SNX24: variants seen among roughly 807,000 people sequenced by gnomAD.
SNX24 encodes sorting nexin-24.
A neutral mutation model predicts 28.7 loss-of-function variants in SNX24; 22 were observed. The ratio of observed to expected loss-of-function variants is 0.77; its 90% confidence interval spans 0.55 to 1.10. The LOEUF (loss-of-function observed/expected upper bound fraction) is 1.10, where lower values mean the gene tolerates loss of function less well. SNX24 is among the 50% of genes least tolerant of loss of function. SNX24 has a pLI of 0.00. For missense variants in SNX24, 221 were observed against 201.1 expected (o/e 1.10, Z -0.60); for synonymous variants, 69 against 71.5 (o/e 0.96, Z 0.18).
chr5:122,872,381 TG>T lies in SNX24; in HGVS notation c.60+26691del, dbSNP rs1227994905. The stretch of plus-strand genomic sequence containing the variant: ...GCTGTAGGCTCCTAGTGGTATTCTC[TG>T]GGAAAACCTTGTATTGTTTTCCTAC... On this transcript the variant is annotated intron_variant, in intron 1 of 6. Coordinates refer to ENST00000261369, the MANE Select transcript of SNX24 (RefSeq NM_014035.4). 2.0e-5 allele frequency among the ~76,000 whole-genome samples: 3 copies of T among 152,076 alleles called. No homozygotes were observed. In the East Asian group the frequency reaches 5.8e-4, roughly 29 times the overall value.
At chr5:122,954,556 G>GT (rs1298859840) in intron 3 of SNX24, among the ~76,000 whole-genome samples, 1 of 147,984 alleles carries the variant, frequency 6.8e-6, no homozygotes, top group Non-Finnish European at 1.5e-5. Flanking sequence ...GTTTATATTT[G>GT]TTTTTTTAAT....
At chr5:122,947,865 T>C (rs1759759299) in intron 3 of SNX24, among the ~76,000 whole-genome samples, 2 of 152,244 alleles carry the variant, frequency 1.3e-5, no homozygotes, top group Admixed American at 1.3e-4. Flanking sequence ...CCCCTCATTG[T>C]ATTTGACACA....
At chr5:122,913,311 C>T (rs1304596765) in intron 1 of SNX24, among the ~76,000 whole-genome samples, 9 of 151,688 alleles carry the variant, frequency 5.9e-5, no homozygotes, top group Non-Finnish European at 2.9e-5. Context: ...CGCCCCCCAC[C>T]TCCCTCCCAG....
intron 1 of SNX24, among the ~76,000 whole-genome samples, chr5:122,916,570 G>A (rs529767553): frequency 6.4e-4 from 97 of 152,228 alleles, no homozygotes; most frequent in Non-Finnish European, 1.3e-3. Context: ...AATACTTTAA[G>A]CTTGAACAGT....
intron 1 of SNX24, among the ~76,000 whole-genome samples, chr5:122,907,523 G>A (rs1757692193): frequency 6.6e-6 from 1 of 152,118 alleles, no homozygotes; most frequent in Non-Finnish European, 1.5e-5. Flanking sequence ...CTTTTCTTCT[G>A]TTTGAGAAGT....
chr5:123,011,158 C>T (rs556526762), downstream of SNX24, among the ~76,000 whole-genome samples: 4 of 151,838 alleles, frequency 2.6e-5, no homozygotes, highest in South Asian at 4.2e-4. Context: ...CATGGATTCA[C>T]AGGCAATAGA....
chr5:122,850,473 T>C (rs1754860277), intron 1 of SNX24, among the ~76,000 whole-genome samples: 1 of 152,052 alleles, frequency 6.6e-6, no homozygotes. Context: ...GATTCTGGAG[T>C]ATTCATCATT....
intron 3 of SNX24, among the ~76,000 whole-genome samples, chr5:122,976,086 C>T (rs116594596): frequency 0.025 from 3,728 of 152,122 alleles, 142 homozygotes; most frequent in African/African-American, 0.071. Flanking sequence ...TTACAAAATG[C>T]TCCATGGAAA....
intron 1 of SNX24, among the ~76,000 whole-genome samples, chr5:122,898,297 T>G (rs1490242998): frequency 6.6e-6 from 1 of 152,192 alleles, no homozygotes; most frequent in East Asian, 1.9e-4. Flanking sequence ...AATGAAGATG[T>G]GTTCTATGTG....
chr5:122,943,100 A>G (rs1207973138), intron 2 of SNX24, among the ~76,000 whole-genome samples: 1 of 152,164 alleles, frequency 6.6e-6, no homozygotes, highest in Non-Finnish European at 1.5e-5. Context: ...CCTTGTTATT[A>G]TGGAGAACTG....
At chr5:122,959,522 A>T (rs1056652072) in intron 3 of SNX24, among the ~76,000 whole-genome samples, 1 of 152,054 alleles carries the variant, frequency 6.6e-6, no homozygotes, top group Non-Finnish European at 1.5e-5. Context: ...GGTGTGAGCC[A>T]CTATACCCAG....
intron 5 of SNX24, chr5:123,028,707 G>T: frequency 7.9e-7 from 1 of 1,272,874 alleles, no homozygotes; most frequent in Non-Finnish European, 1.1e-6. Context: ...AACAGACTGG[G>T]TTCATATACT....
intron 1 of SNX24, among the ~76,000 whole-genome samples, chr5:122,900,562 G>A (rs570897894): frequency 2.6e-5 from 4 of 152,044 alleles, no homozygotes; most frequent in South Asian, 2.1e-4. Context: ...AAGGCTAGGA[G>A]TTTGAGACCA....
At position 122,933,164 on chromosome 5, in the gene SNX24, A is replaced by G. The variant is rs187185614; in HGVS notation, c.61-3570A>G. Among the ~76,000 whole-genome samples the G allele has an allele frequency of 3.8e-3, 577 of 152,344 alleles. 3 individuals carry two copies. The highest frequency in any genetic ancestry group is 6.6e-3 in the Non-Finnish European group (447 of 68,040). On this transcript the variant is annotated intron_variant, in intron 1 of 6. Coordinates refer to ENST00000261369, the MANE Select transcript of SNX24 (RefSeq NM_014035.4). Reference sequence around the variant, plus strand: ...AAGTGTTGTTAAACTGGACTAAAACAGCTTTTAATCTAGTTCATTTTCCCT... The same window carrying G: ...AAGTGTTGTTAAACTGGACTAAAACGGCTTTTAATCTAGTTCATTTTCCCT...
chr5:122,973,426 G>A (rs530652359), intron 3 of SNX24, among the ~76,000 whole-genome samples: 34 of 152,314 alleles, frequency 2.2e-4, no homozygotes, highest in South Asian at 1.5e-3. Context: ...ACTTTCAGGT[G>A]GTGCCTGCAT....
At chr5:122,881,194 T>C (rs1178326707) in intron 1 of SNX24, among the ~76,000 whole-genome samples, 3 of 148,648 alleles carry the variant, frequency 2.0e-5, no homozygotes, top group East Asian at 2.0e-4. Flanking sequence ...AAATTTGTTA[T>C]AGGATATATG....
At chr5:122,892,743 CCTTT>C (rs1439465947) in intron 1 of SNX24, among the ~76,000 whole-genome samples, 1 of 146,564 alleles carries the variant, frequency 6.8e-6, no homozygotes, top group Non-Finnish European at 1.5e-5. Context: ...CAGCCCATTT[CCTTT>C]ATTATTAATT....
At chr5:122,856,302 C>G (rs1755187481) in intron 1 of SNX24, among the ~76,000 whole-genome samples, 1 of 152,114 alleles carries the variant, frequency 6.6e-6, no homozygotes, top group Non-Finnish European at 1.5e-5. Context: ...AGGACATGAT[C>G]TTGTTTTTCT....
intron 1 of SNX24, among the ~76,000 whole-genome samples, chr5:122,866,965 A>G (rs1178755842): frequency 6.6e-6 from 1 of 152,184 alleles, no homozygotes; most frequent in Non-Finnish European, 1.5e-5. Context: ...ACATTTTGCT[A>G]GTGGGTCACT....
Sources: gnomAD v4.1 joint callset for allele counts (sites outside exome capture counted in the v4.1 genomes callset) on GRCh38, gnomAD v4.1.1 for gene constraint, MANE v1.5 for transcripts, NCBI Gene and HGNC (gene_info 2026-07-23, HGNC 2026-07-21) for gene names.